The following SCAP variants were observed in gnomAD, a reference collection of about 807,000 sequenced individuals.
SCAP encodes the protein SREBF chaperone.
SCAP carries 65 observed loss-of-function variants against 123.6 expected under a neutral mutation model. The ratio of observed to expected loss-of-function variants is 0.53; its 90% CI spans 0.43 to 0.65. SCAP has a LOEUF of 0.65. Among genes scored for constraint, SCAP ranks in the 30% least tolerant of loss-of-function variants. The pLI, the probability that SCAP is intolerant of heterozygous loss-of-function variation, is 0.00. For synonymous variants in SCAP, 740 were observed against 726.3 expected (o/e 1.02, Z -0.30); for missense variants, 1,398 against 1,712.5 (o/e 0.82, Z 3.24).
intron 8 of SCAP, among the ~76,000 whole-genome samples, chr3:47,424,479 C>T (rs1559545590): frequency 6.6e-6 from 1 of 152,212 alleles, no homozygotes; most frequent in Non-Finnish European, 1.5e-5. Flanking sequence ...TCCTGAAGGC[C>T]CACTCACCTT....
intron 9 of SCAP, 154 bp from the exon 10 acceptor site, chr3:47,422,690 C>T: frequency 1.7e-6 from 1 of 581,552 alleles, no homozygotes; most frequent in South Asian, 2.3e-5. Context: ...CCTCAGGGTC[C>T]TGCTAATGCC....
rs1222468366 is a variant in SCAP, at chr3:47,415,087, G to C, written c.3139+11C>G. The C allele has an allele frequency of 6.3e-7, 1 of 1,596,812 alleles. No individual in the cohort carries two copies. Among genetic ancestry groups the C allele is most frequent in the African/African-American group, 1.4e-5 (1 of 74,038 alleles). On this transcript the variant is annotated intron_variant, in intron 19 of 22. Coordinates refer to ENST00000265565, the MANE Select transcript of SCAP (RefSeq NM_012235.4). ...CAAGTGTGAACACCTGCCCACCCCA[G>C]GCCCTCCGACCTCTAAACTGCAGGG...
At position 47,417,509 on chromosome 3, in the gene SCAP, T is replaced by C. The variant is rs776199950; in HGVS notation, c.2765A>G (p.Glu922Gly). The C allele has an allele frequency of 3.9e-6, 6 of 1,555,846 alleles. No individual in the cohort carries two copies. In the South Asian group the frequency reaches 7.1e-5, roughly 18 times the overall value. ...FSCLVQRVYQ[E>G]EGLAAVCTPA... is the part of the protein sequence containing the mutation. ...TGTGCAGACGGCCGCCAGCCCCTCC[T>C]CCTGGTACACCCGCTGCACCAGGCA... Residue 922 changes from glutamate to glycine, a missense_variant, in exon 17 of 23, where the codon GAG becomes GGG. Coordinates refer to ENST00000265565, the MANE Select transcript of SCAP (RefSeq NM_012235.4).
chr3:47,414,943 CGCT>C lies in SCAP; in HGVS notation c.3187_3189del (p.Ser1063del), dbSNP rs1244989381. 33 of 1,611,278 alleles carry C rather than the reference CGCT, an allele frequency of 2.0e-5. No homozygotes were observed. Among genetic ancestry groups the C allele is most frequent in the Non-Finnish European group, 2.6e-5 (31 of 1,179,118 alleles). ...TGGGTCAGGTGACAGGCCACTGTGTCGCTGCTGCTGTACACTGGAGAGGCAGGG... is the reference window on the plus strand; with the variant it reads ...TGGGTCAGGTGACAGGCCACTGTGTCGCTGCTGTACACTGGAGAGGCAGGG... On this transcript the variant is annotated inframe_deletion, in exon 20 of 23. Transcript: ENST00000265565.
In SCAP at chr3:47,417,563, G is replaced by C; in HGVS notation, c.2711C>G (p.Ser904Cys). Residue 904 changes from serine to cysteine, a missense_variant, in exon 17 of 23, where the codon TCT (serine) becomes TGT (cysteine). Physicochemically the swap from Ser to Cys is moderately radical, Grantham distance 112. Transcript: ENST00000265565. ...GAAGTCATAGCCTGGGGAGTCCCGA[G>C]AGCGGCCACAGACCGCCCGGTGCCG... ...EPRHRAVCGR[S>C]RDSPGYDFSC... 6.3e-7 allele frequency: 1 copy of C among 1,585,384 alleles called. No homozygotes were observed. Among genetic ancestry groups the C allele is most frequent in the Non-Finnish European group, 8.6e-7 (1 of 1,167,168 alleles).
intron 10 of SCAP, chr3:47,421,329 G>T (rs1705891248): frequency 2.9e-6 from 1 of 346,356 alleles, no homozygotes; most frequent in Non-Finnish European, 5.6e-6. Flanking sequence ...ATCCAACCCG[G>T]AAACCTCTAA....
intron 1 of SCAP, among the ~76,000 whole-genome samples, chr3:47,448,327 T>A (rs2107942904): frequency 6.6e-6 from 1 of 152,260 alleles, no homozygotes; most frequent in South Asian, 2.1e-4. Context: ...TGTCCTGAAA[T>A]CACTTATTAG....
Position 47,425,478 on chromosome 3 carries a change from G to C in SCAP, c.1037+7C>G. 3.7e-6 allele frequency: 6 copies of C among 1,613,264 alleles called. No individual in the cohort carries two copies. The highest frequency in any genetic ancestry group is 5.1e-6 in the Non-Finnish European group (6 of 1,179,910). On this transcript the variant is annotated splice_region_variant and intron_variant, in intron 8 of 22. Transcript: ENST00000265565. The stretch of plus-strand genomic sequence containing the variant: ...CTGTGGCCCAGTGGAGCCTGCTAGG[G>C]ACCTACCCGCCATTGAGGGTGGGCG...
rs761479734 is a variant in SCAP at position 47,414,839 on chromosome 3, G to A, written c.3294C>T (p.Asp1098=). The A allele has an allele frequency of 1.2e-6, 2 of 1,607,770 alleles. No individual in the cohort carries two copies. The highest frequency in any genetic ancestry group is 1.7e-6 in the Non-Finnish European group (2 of 1,177,290). ...AAGRLVTGSQ[D]HTLRVFRLED... ...AGACAATACTCACTCTCAGTGTGTG[G>A]TCTTGGCTCCCAGTCACCAAGCGCC... The change falls in exon 20 of 23, where the codon GAC becomes GAT. Residue 1098 remains aspartate (D), a synonymous_variant. Transcript: ENST00000265565.
chr3:47,452,256 A>C (rs975209953), intron 1 of SCAP, among the ~76,000 whole-genome samples: 4 of 152,178 alleles, frequency 2.6e-5, no homozygotes, highest in Non-Finnish European at 5.9e-5. Context: ...AATTTTTATT[A>C]AATGCACCTA....
chr3:47,437,516 G>A (rs1045865215), intron 2 of SCAP, among the ~76,000 whole-genome samples: 4 of 151,490 alleles, frequency 2.6e-5, no homozygotes. Flanking sequence ...CAAGGCAGAA[G>A]GATTTCTTGA....
At chr3:47,459,480 G>A (rs186858967) in intron 1 of SCAP, among the ~76,000 whole-genome samples, 71 of 152,250 alleles carry the variant, frequency 4.7e-4, no homozygotes, top group Non-Finnish European at 7.6e-4. Flanking sequence ...AGTGTCGGCC[G>A]GCTGAGAAAT....
At position 47,426,173 on chromosome 3, in the gene SCAP, G is replaced by A. The variant is rs766439708; in HGVS notation, c.738-4C>T. On this transcript the variant is annotated splice_polypyrimidine_tract_variant and splice_region_variant and intron_variant, in intron 6 of 22. Coordinates refer to ENST00000265565, the MANE Select transcript of SCAP (RefSeq NM_012235.4). ...GGCACGCAGGCTGCCCAGGAACCTG[G>A]TCAAGGAGCAGGGTGGGGGTAAATG... 3.8e-5 allele frequency: 62 copies of A among 1,612,510 alleles called. No individual in the cohort carries two copies. Among genetic ancestry groups the A allele is most frequent in the Non-Finnish European group, 5.3e-5 (62 of 1,179,518 alleles).
At position 47,427,621 on chromosome 3, in the gene SCAP, G is replaced by A; in HGVS notation, c.457C>T (p.Leu153=). 1 of 1,614,164 alleles carries A rather than the reference G, an allele frequency of 6.2e-7. No individual in the cohort carries two copies. Among genetic ancestry groups the A allele is most frequent in the Non-Finnish European group, 8.5e-7 (1 of 1,180,020 alleles). ...CTGAGCTTCCTAAGGCCTGGCAGCA[G>A]GTCGGTCACTTGCAGACACAACTCC... ...LEELCLQVTD[L]LPGLRKLRNL... The change falls in exon 5 of 23, where the codon CTG becomes TTG. Residue 153 remains leucine, a synonymous_variant. Transcript: ENST00000265565.
intron 1 of SCAP, among the ~76,000 whole-genome samples, chr3:47,470,416 G>A (rs1707985827): frequency 1.3e-5 from 2 of 152,202 alleles, no homozygotes; most frequent in Non-Finnish European, 2.9e-5. Context: ...TAGGGCTATA[G>A]TGAGATGTGG....
chr3:47,441,843 C>T (rs1000411504), intron 2 of SCAP, among the ~76,000 whole-genome samples: 13 of 150,670 alleles, frequency 8.6e-5, no homozygotes, highest in Non-Finnish European at 1.5e-4. Flanking sequence ...ACACAGCACC[C>T]AGCAAGAAAC....
chr3:47,423,812 G>T, intron 9 of SCAP, 121 bp downstream of exon 9: 1 of 724,086 alleles, frequency 1.4e-6, no homozygotes, highest in Non-Finnish European at 2.4e-6. Flanking sequence ...ATATTATGCC[G>T]GAGGCAAGAG....
At chr3:47,425,078 CTCTA>C (rs1226237779) in intron 8 of SCAP, among the ~76,000 whole-genome samples, 1 of 152,160 alleles carries the variant, frequency 6.6e-6, no homozygotes, top group South Asian at 2.1e-4. Flanking sequence ...ATGTTCTCTT[CTCTA>C]TCTCACACCT....
At position 47,420,473 on chromosome 3, in the gene SCAP, T is replaced by C; in HGVS notation, c.1563+81A>G. The C allele has an allele frequency of 7.6e-7, 1 of 1,317,696 alleles. No homozygotes were observed. The highest frequency in any genetic ancestry group is 1.0e-6 in the Non-Finnish European group (1 of 974,654). The allele number at this position is 1,317,696 out of a possible 1,614,324, so 81.6% of individuals were successfully genotyped here. A position where few individuals can be genotyped will look rare whatever the true frequency, so the allele number is the denominator to read the frequency against. ...GCCTGAGGAATACCCTTTGCCACTC[T>C]AAGGCCAAGTGCAGCACCACAAGGG... On this transcript the variant is annotated intron_variant, in intron 12 of 22. Transcript: ENST00000265565. The surrounding 1 kb of genome is among the most constrained non-coding windows in gnomAD (Gnocchi z 5.0).
Sources: allele counts gnomAD v4.1 joint callset (sites outside exome capture counted in the v4.1 genomes callset), GRCh38; gene constraint gnomAD v4.1.1; non-coding constraint Gnocchi (gnomAD v3.1); transcripts MANE v1.5; gene names NCBI Gene and HGNC (gene_info 2026-07-23, HGNC 2026-07-21).